TENM3: variants seen among roughly 807,000 people sequenced by gnomAD.
The protein encoded by TENM3 is teneurin transmembrane protein 3, also known as teneurin-3.
Under a neutral mutation model 255.1 loss-of-function variants are expected in TENM3, and 63 were observed. The observed-to-expected ratio is 0.25, with a 90% CI of 0.20 to 0.30. The LOEUF (loss-of-function observed/expected upper bound fraction) is 0.30. TENM3 is among the 10% of genes least tolerant of loss of function. The pLI is 1.00. For missense variants in TENM3, 2,929 were observed against 3,461.1 expected, an observed-to-expected ratio of 0.85 and a Z score of 3.86; for synonymous variants, 1,306 against 1,322.3, an observed-to-expected ratio of 0.99 and a Z score of 0.27.
At position 182,799,292 on chromosome 4, in the gene TENM3, G is replaced by A. The variant is rs1205808678; in HGVS notation, c.7345-304G>A. Among the ~76,000 whole-genome samples, 2 of 152,220 alleles carry A rather than the reference G, an allele frequency of 1.3e-5. No homozygotes were observed. Among genetic ancestry groups the A allele is most frequent in the South Asian group, 2.1e-4 (1 of 4,834 alleles). On this transcript the variant is annotated intron_variant, in intron 27 of 27. Coordinates refer to ENST00000511685, the MANE Select transcript of TENM3 (RefSeq NM_001080477.4). This position sits in a 1 kb window ranked among gnomAD's most constrained non-coding sequence, Gnocchi z 4.2. Reference sequence around the variant, plus strand: ...CCCACGTGGGGTGGGAGTGGGAAAAGAGCATCTAGAAACTGTAAGAGAAAA... The same window carrying A: ...CCCACGTGGGGTGGGAGTGGGAAAAAAGCATCTAGAAACTGTAAGAGAAAA...
At chr4:182,448,956 A>G (rs757851859) in intron 3 of TENM3, 4 of 392,416 alleles carry the variant, frequency 1.0e-5, no homozygotes, top group South Asian at 1.7e-5. Flanking sequence ...TCAGCCTATC[A>G]TGTCTGGCCG....
At chr4:181,521,651 GTC>G in the TENM3 span, among the ~76,000 whole-genome samples, 5 of 152,226 alleles carry the variant, frequency 3.3e-5, no homozygotes, top group East Asian at 9.7e-4. Context: ...CAATACACTA[GTC>G]TCTAACTATA....
chr4:182,475,388 A>G (rs947730114), intron 3 of TENM3, among the ~76,000 whole-genome samples: 1 of 140,760 alleles, frequency 7.1e-6, no homozygotes, highest in Non-Finnish European at 1.5e-5. Context: ...GGTGTATATT[A>G]CTTATTTAAA....
At chr4:181,850,430 T>C in the TENM3 span, among the ~76,000 whole-genome samples, 1 of 152,132 alleles carries the variant, frequency 6.6e-6, no homozygotes, top group Non-Finnish European at 1.5e-5. Flanking sequence ...CATATGACAT[T>C]TAAAATATTT....
the TENM3 span, among the ~76,000 whole-genome samples, chr4:181,782,155 C>T: frequency 6.6e-6 from 1 of 151,982 alleles, no homozygotes; most frequent in African/African-American, 2.4e-5. Context: ...AGGGAGGATT[C>T]CCTCTTTTTC....
intron 3 of TENM3, chr4:182,448,981 A>G: frequency 5.0e-6 from 2 of 399,160 alleles, no homozygotes; most frequent in Admixed American, 2.8e-5. Context: ...GCGCAGCCCG[A>G]GCCCGGAGCC....
At chr4:182,765,666 T>A (rs903749776) in intron 22 of TENM3, among the ~76,000 whole-genome samples, 5 of 152,164 alleles carry the variant, frequency 3.3e-5, no homozygotes, top group Admixed American at 2.0e-4. Context: ...ACTCATGAGA[T>A]GAAACTAAAA....
intron 3 of TENM3, among the ~76,000 whole-genome samples, chr4:182,389,494 T>G (rs959552818): frequency 3.3e-5 from 5 of 152,074 alleles, no homozygotes; most frequent in Admixed American, 3.3e-4. Context: ...TACATATAAT[T>G]ACTTTAAAAA....
intron 12 of TENM3, among the ~76,000 whole-genome samples, chr4:182,713,771 G>C (rs564902492): frequency 6.6e-6 from 1 of 152,058 alleles, no homozygotes; most frequent in Non-Finnish European, 1.5e-5. Context: ...TTTCCACACC[G>C]TACAATATAC....
chr4:182,100,816 TATACACATATATATATATATATACTC>T, the TENM3 span, among the ~76,000 whole-genome samples: 1 of 9,752 alleles, frequency 1.0e-4, no homozygotes, highest in Non-Finnish European at 2.1e-4. Flanking sequence ...TACACATATA[TATACACATATATATATATATATACTC>T]ATATATATAT....
At chr4:182,059,081 A>G in the TENM3 span, among the ~76,000 whole-genome samples, 1 of 151,982 alleles carries the variant, frequency 6.6e-6, no homozygotes, top group Non-Finnish European at 1.5e-5. Flanking sequence ...GCGGATGTGA[A>G]GACAGCAGCA....
At chr4:181,570,247 T>C in the TENM3 span, among the ~76,000 whole-genome samples, 3,990 of 151,838 alleles carry the variant, frequency 0.026, 159 homozygotes, top group African/African-American at 0.089. Context: ...GGGTTTCACC[T>C]TGTTAGCCAG....
chr4:181,478,138 C>G, the TENM3 span, among the ~76,000 whole-genome samples: 3 of 152,134 alleles, frequency 2.0e-5, no homozygotes, highest in African/African-American at 7.2e-5. Context: ...GATTGGGAGA[C>G]TACTTGTACT....
At chr4:181,665,644 C>T in the TENM3 span, among the ~76,000 whole-genome samples, 1 of 149,574 alleles carries the variant, frequency 6.7e-6, no homozygotes, top group African/African-American at 2.4e-5. Flanking sequence ...CATACACACA[C>T]ATATATACAT....
At chr4:181,941,725 G>A in the TENM3 span, among the ~76,000 whole-genome samples, 67 of 152,186 alleles carry the variant, frequency 4.4e-4, no homozygotes, top group Middle Eastern at 6.8e-3. Flanking sequence ...TGTTGTTGCT[G>A]TGGGGTTCCC....
At chr4:181,799,361 T>G in the TENM3 span, among the ~76,000 whole-genome samples, 4 of 152,234 alleles carry the variant, frequency 2.6e-5, no homozygotes, top group East Asian at 7.7e-4. Context: ...GTCAAATGCA[T>G]TCAGGAAACA....
the TENM3 span, among the ~76,000 whole-genome samples, chr4:182,032,344 G>A: frequency 2.0e-5 from 3 of 152,172 alleles, no homozygotes; most frequent in Non-Finnish European, 4.4e-5. Context: ...TTTATATGAT[G>A]AATTACATTT....
At chr4:182,153,861 C>T (rs989816553) in intron 1 of TENM3, among the ~76,000 whole-genome samples, 2 of 152,032 alleles carry the variant, frequency 1.3e-5, no homozygotes, top group South Asian at 2.1e-4. Flanking sequence ...TGATGTAAGA[C>T]GTGTGGATTG....
chr4:182,152,201 G>A (rs1053686350), intron 1 of TENM3, among the ~76,000 whole-genome samples: 2 of 151,910 alleles, frequency 1.3e-5, no homozygotes, highest in Non-Finnish European at 2.9e-5. Context: ...AGAAAGGGGT[G>A]AAAGCTGAAG....
Sources: gnomAD v4.1 joint callset for allele counts (sites outside exome capture counted in the v4.1 genomes callset) on GRCh38, gnomAD v4.1.1 for gene constraint, Gnocchi (gnomAD v3.1) non-coding constraint, MANE v1.5 for transcripts, NCBI Gene and HGNC (gene_info 2026-07-23, HGNC 2026-07-21) for gene names.